The following DNAH6 variants were observed in gnomAD, a reference collection of about 807,000 sequenced individuals.
DNAH6 encodes axonemal beta dynein heavy chain 6.
DNAH6 carries 340 observed loss-of-function variants against 491.4 expected under a neutral mutation model. That is an observed-to-expected ratio of 0.69 (90% CI 0.63 to 0.76). The LOEUF is 0.76. Among genes scored for constraint, DNAH6 ranks in the 30% least tolerant of loss-of-function variants. The pLI is 0.00. For missense variants in DNAH6, 4,443 were observed against 4,972.2 expected (o/e 0.89, Z 3.20); for synonymous variants, 1,603 against 1,686.1 (o/e 0.95, Z 1.21).
chr2:84,772,644 A>G (rs1186832903), intron 64 of DNAH6, among the ~76,000 whole-genome samples: 1 of 152,174 alleles, frequency 6.6e-6, no homozygotes, highest in African/African-American at 2.4e-5. Flanking sequence ...CCCAAAATAT[A>G]TAAATTAAAA....
Position 84,577,333 on chromosome 2 carries a change from A to T in DNAH6, c.2001A>T (p.Arg667Ser), listed in dbSNP as rs1377322574. 6.2e-7 allele frequency: 1 copy of T among 1,612,450 alleles called. No homozygotes were observed. Among genetic ancestry groups the T allele is most frequent in the Admixed American group, 1.7e-5 (1 of 59,880 alleles). Residue 667 changes from arginine to serine, a missense_variant, in exon 13 of 77, where the codon AGA (arginine) becomes AGT (serine). Coordinates refer to ENST00000389394, the MANE Select transcript of DNAH6 (RefSeq NM_001370.2). ...ACGCAGTAGCGCTCAGACCCACCAG[A>T]AATGTAGGATTGCTGCTCATTGATA... Reference protein sequence around the residue: ...HKDAVALRPTRNVGLLLIDTR... With the variant: ...HKDAVALRPTSNVGLLLIDTR...
intron 52 of DNAH6, 133 bp downstream of exon 52, chr2:84,705,880 T>C: frequency 8.6e-7 from 1 of 1,159,072 alleles, no homozygotes; most frequent in South Asian, 2.7e-5. Flanking sequence ...TTAGCTTTTG[T>C]TTTAAACAAG....
intron 30 of DNAH6, among the ~76,000 whole-genome samples, chr2:84,636,154 C>T (rs1688859434): frequency 6.6e-6 from 1 of 152,216 alleles, no homozygotes; most frequent in South Asian, 2.1e-4. Flanking sequence ...GATCCTATCA[C>T]TCTGCTTCCC....
the DNAH6 span, among the ~76,000 whole-genome samples, chr2:84,500,106 G>A: frequency 6.6e-6 from 1 of 151,964 alleles, no homozygotes; most frequent in Non-Finnish European, 1.5e-5. Flanking sequence ...TGTTTTTTCC[G>A]AGACCAATGT....
intron 2 of DNAH6, among the ~76,000 whole-genome samples, chr2:84,521,226 GA>G (rs549024950): frequency 2.0e-3 from 303 of 151,938 alleles, no homozygotes; most frequent in African/African-American, 7.1e-3. Context: ...AATGACCAGT[GA>G]TATTGAGCTT....
intron 12 of DNAH6, among the ~76,000 whole-genome samples, chr2:84,576,133 G>T (rs1682420883): frequency 6.6e-6 from 1 of 152,086 alleles, no homozygotes; most frequent in African/African-American, 2.4e-5. Context: ...AGCATTATAC[G>T]GGTATCCTTA....
intron 31 of DNAH6, among the ~76,000 whole-genome samples, chr2:84,640,152 G>A (rs1356989784): frequency 6.6e-6 from 1 of 152,090 alleles, no homozygotes; most frequent in Non-Finnish European, 1.5e-5. Context: ...TCAAAAGCTG[G>A]GCTCTTCTGT....
intron 34 of DNAH6, among the ~76,000 whole-genome samples, chr2:84,654,261 G>C (rs1690739531): frequency 6.6e-6 from 1 of 152,036 alleles, no homozygotes; most frequent in South Asian, 2.1e-4. Context: ...AGAGGAATGT[G>C]GACCAAGTAC....
At chr2:84,520,606 T>C (rs1676045652) in intron 2 of DNAH6, among the ~76,000 whole-genome samples, 1 of 152,122 alleles carries the variant, frequency 6.6e-6, no homozygotes, top group African/African-American at 2.4e-5. Context: ...CTCCAGGGTC[T>C]CTTGTACCTC....
chr2:84,811,659 G>A (rs1297001941), intron 72 of DNAH6, among the ~76,000 whole-genome samples: 6 of 152,056 alleles, frequency 3.9e-5, no homozygotes, highest in African/African-American at 9.7e-5. Context: ...TCAGGAGTTC[G>A]AGACCAGCCT....
At chr2:84,598,470 C>CT (rs1489345037) in intron 18 of DNAH6, among the ~76,000 whole-genome samples, 1 of 152,082 alleles carries the variant, frequency 6.6e-6, no homozygotes, top group Non-Finnish European at 1.5e-5. Flanking sequence ...TCATGTACAG[C>CT]TTTTTGTTTT....
At chr2:84,656,630 G>T (rs1690997530) in intron 35 of DNAH6, among the ~76,000 whole-genome samples, 1 of 151,804 alleles carries the variant, frequency 6.6e-6, no homozygotes, top group South Asian at 2.1e-4. Context: ...TTTGAAATTG[G>T]GTTGTTTGTT....
intron 11 of DNAH6, among the ~76,000 whole-genome samples, chr2:84,567,220 T>G (rs1216363125): frequency 6.6e-6 from 1 of 152,106 alleles, no homozygotes; most frequent in Non-Finnish European, 1.5e-5. Context: ...AGGGCTAATA[T>G]TTCCAATACT....
At chr2:84,487,270 C>T in the DNAH6 span, among the ~76,000 whole-genome samples, 8 of 152,312 alleles carry the variant, frequency 5.3e-5, no homozygotes, top group East Asian at 1.9e-4. Flanking sequence ...AGAACTATTT[C>T]GAGGATCCAA....
At chr2:84,709,127 C>T (rs549325702) in intron 54 of DNAH6, among the ~76,000 whole-genome samples, 1 of 152,296 alleles carries the variant, frequency 6.6e-6, no homozygotes, top group East Asian at 1.9e-4. Context: ...ATGATGTTTC[C>T]AAAGTCACAT....
rs953759032 is a variant in DNAH6, at chr2:84,525,469, A to C, written c.226-96A>C. On this transcript the variant is annotated intron_variant, in intron 2 of 76. Coordinates refer to ENST00000389394, the MANE Select transcript of DNAH6 (RefSeq NM_001370.2). ...GATAGGAAATTAGTCCAAGGAGATC[A>C]ATTTCCAACAGGAGAAAGAGTCCAA... 2.4e-6 allele frequency: 3 copies of C among 1,248,646 alleles called. No homozygotes were observed. In the African/African-American group the frequency reaches 4.6e-5, roughly 19 times the overall value. The allele number at this position is 1,248,646 out of a possible 1,614,324, so 77.3% of individuals were successfully genotyped here.
chr2:84,796,220 T>A (rs1248025752), intron 68 of DNAH6, 86 bp from the exon 69 acceptor site: 1 of 892,466 alleles, frequency 1.1e-6, no homozygotes, highest in African/African-American at 1.7e-5. Flanking sequence ...AATGTGTGTA[T>A]AAATAAACAT....
intron 56 of DNAH6, among the ~76,000 whole-genome samples, chr2:84,712,181 T>C (rs1382910367): frequency 6.6e-6 from 1 of 152,248 alleles, no homozygotes; most frequent in East Asian, 1.9e-4. Context: ...GAGTATGAAA[T>C]CAGTTTAGAC....
rs999266639 is a variant in DNAH6, at chr2:84,773,552, G to A, written c.10704-7941G>A. 6.6e-5 allele frequency among the ~76,000 whole-genome samples: 10 copies of A among 152,004 alleles called. 1 individual carries two copies. The highest frequency in any genetic ancestry group is 2.4e-4 in the African/African-American group (10 of 41,430). ...TGCAAGTGCATGTGTCTTCTTAGTA[G>A]AACAATTGATTTTCTTTTGGATATA... On this transcript the variant is annotated intron_variant, in intron 64 of 76. Coordinates refer to ENST00000389394, the MANE Select transcript of DNAH6 (RefSeq NM_001370.2).
Sources: allele counts gnomAD v4.1 joint callset (sites outside exome capture counted in the v4.1 genomes callset), GRCh38; gene constraint gnomAD v4.1.1; transcripts MANE v1.5; gene names NCBI Gene and HGNC (gene_info 2026-07-23, HGNC 2026-07-21).